The following UPP1 variants were observed in gnomAD, a reference collection of about 807,000 sequenced individuals.
The protein encoded by UPP1 is uridine phosphorylase 1.
In UPP1, 25 loss-of-function variants were observed where a neutral mutation model predicts 29.6. The ratio of observed to expected loss-of-function variants is 0.85; its 90% CI spans 0.62 to 1.18. The LOEUF (loss-of-function observed/expected upper bound fraction) is 1.18, where lower values mean the gene tolerates loss of function less well. UPP1 is among the 50% of genes most tolerant of loss of function. UPP1 has a pLI of 0.00. For synonymous variants in UPP1, 165 were observed against 159.8 expected, an observed-to-expected ratio of 1.03 and a Z score of -0.25; for missense variants, 368 against 410.4, an observed-to-expected ratio of 0.90 and a Z score of 0.89.
chr7:48,095,929 G>A (rs1319697208), intron 3 of UPP1, among the ~76,000 whole-genome samples: 2 of 152,168 alleles, frequency 1.3e-5, no homozygotes, highest in Admixed American at 6.5e-5. Flanking sequence ...TTACGGGCGT[G>A]AGCCACTGTG....
chr7:48,101,552 A>G (rs1041041510), intron 4 of UPP1, among the ~76,000 whole-genome samples: 5 of 152,032 alleles, frequency 3.3e-5, no homozygotes, highest in Non-Finnish European at 7.4e-5. Context: ...AGGACCTGGA[A>G]TTACCTCCTC....
In UPP1 at chr7:48,103,507, G is replaced by A. The variant is rs371296916; in HGVS notation, c.436+96G>A. The A allele has an allele frequency of 1.6e-4, 187 of 1,136,632 alleles. No individual in the cohort carries two copies. The East Asian group carries it at 3.6e-3, about 22-fold the overall frequency. The allele number at this position is 1,136,632 out of a possible 1,614,324, so 70.4% of individuals were successfully genotyped here. A position where few individuals can be genotyped will look rare whatever the true frequency, so the allele number is the denominator to read the frequency against. On this transcript the variant is annotated intron_variant, in intron 6 of 8. Transcript: ENST00000395564. Reference sequence around the variant, plus strand: ...CATGGTGTGGCATTAGAGACAAAGAGTTCCTTTCTTGGCTTTGTTCAAGGG... The same window carrying A: ...CATGGTGTGGCATTAGAGACAAAGAATTCCTTTCTTGGCTTTGTTCAAGGG...
chr7:48,106,107 A>C (rs946659725), intron 6 of UPP1: 1 of 152,336 alleles, frequency 6.6e-6, no homozygotes, highest in African/African-American at 2.4e-5. Context: ...GTGGGACTTC[A>C]TTATACTGTT....
At chr7:48,101,328 G>A (rs1158229270) in intron 4 of UPP1, among the ~76,000 whole-genome samples, 1 of 152,082 alleles carries the variant, frequency 6.6e-6, no homozygotes, top group Non-Finnish European at 1.5e-5. Context: ...ATCCAGAATA[G>A]CTATCACTTC....
At position 48,108,382 on chromosome 7, in the gene UPP1, C is replaced by G. The variant is rs777664373; in HGVS notation, c.*25C>G. On this transcript the variant is annotated 3_prime_UTR_variant, in exon 9 of 9. Transcript: ENST00000395564. The stretch of plus-strand genomic sequence containing the variant: ...AGCGCTGCCCTGCACCTCCGCAGAC[C>G]TGCTGTGATGACTTGCCATTAAAAG... 1.3e-6 allele frequency: 2 copies of G among 1,596,526 alleles called. No individual in the cohort carries two copies. Among genetic ancestry groups the G allele is most frequent in the Non-Finnish European group, 8.6e-7 (1 of 1,166,534 alleles).
At chr7:48,095,935 C>T (rs941554086) in intron 3 of UPP1, among the ~76,000 whole-genome samples, 2 of 152,230 alleles carry the variant, frequency 1.3e-5, no homozygotes, top group African/African-American at 4.8e-5. Flanking sequence ...GCGTGAGCCA[C>T]TGTGGCCTGC....
Position 48,106,930 on chromosome 7 carries a change from C to T in UPP1, c.494C>T (p.Ala165Val). 1 of 1,613,650 alleles carries T rather than the reference C, an allele frequency of 6.2e-7. No homozygotes were observed. Among genetic ancestry groups the T allele is most frequent in the South Asian group, 1.1e-5 (1 of 91,058 alleles). The change falls in exon 7 of 9, where the codon GCA (alanine) becomes GTA (valine). Residue 165 changes from alanine to valine, a missense_variant. By Grantham distance (64) the Ala-to-Val change is moderately conservative. Coordinates refer to ENST00000395564, the MANE Select transcript of UPP1 (RefSeq NM_003364.4). ...TEQAVDTCFK[A>V]EFEQIVLGKR... ...CAGGCAGTGGATACCTGCTTCAAGGCAGAGTTTGAGCAGATTGTCCTGGGG... is the reference window on the plus strand; with the variant it reads ...CAGGCAGTGGATACCTGCTTCAAGGTAGAGTTTGAGCAGATTGTCCTGGGG...
intron 6 of UPP1, chr7:48,104,744 A>G (rs1312694766): frequency 6.6e-6 from 1 of 152,234 alleles, no homozygotes; most frequent in Non-Finnish European, 1.5e-5. Flanking sequence ...ACCAACGGCC[A>G]TGAGCTGTCT....
intron 4 of UPP1, 76 bp downstream of exon 4, chr7:48,099,863 C>A: frequency 2.1e-6 from 2 of 958,736 alleles, no homozygotes; most frequent in Non-Finnish European, 3.3e-6. Flanking sequence ...GTAGACCAAC[C>A]CACAAATGCT....
chr7:48,096,067 G>T (rs1233709249), intron 3 of UPP1, among the ~76,000 whole-genome samples: 1 of 152,220 alleles, frequency 6.6e-6, no homozygotes, highest in Non-Finnish European at 1.5e-5. Context: ...CATGGCTTGA[G>T]GTTGAGGCCT....
chr7:48,106,467 T>C, intron 6 of UPP1: 1 of 199,590 alleles, frequency 5.0e-6, no homozygotes, highest in South Asian at 8.9e-5. Flanking sequence ...CCCGGCACAA[T>C]GCCTGGCTAA....
rs147875049 is a variant in UPP1, at chr7:48,102,056, A to G, written c.321+74A>G. 2.2e-3 allele frequency: 3,314 copies of G among 1,514,246 alleles called. 60 individuals carry two copies. The African/African-American group carries it at 0.04, about 18-fold the overall frequency. The allele number at this position is 1,514,246 out of a possible 1,614,324, so 93.8% of individuals were successfully genotyped here. On this transcript the variant is annotated intron_variant, in intron 5 of 8. Transcript: ENST00000395564. ...CTGTGCCCCACCCCTCTGCACACAC[A>G]GACAGCTGGTCCCCTAACACCTGCT...
chr7:48,099,837 C>T (rs1292407128), intron 4 of UPP1, 50 bp downstream of exon 4: 2 of 1,244,230 alleles, frequency 1.6e-6, no homozygotes, highest in Admixed American at 1.7e-5. Flanking sequence ...GATCAACCTC[C>T]CCCTATATTA....
chr7:48,094,378 G>T (rs1792014487), intron 2 of UPP1, among the ~76,000 whole-genome samples: 1 of 152,112 alleles, frequency 6.6e-6, no homozygotes, highest in South Asian at 2.1e-4. Context: ...ACCACACCTG[G>T]CTAATTTTTG....
intron 2 of UPP1, among the ~76,000 whole-genome samples, chr7:48,093,265 T>C (rs1246017517): frequency 6.6e-6 from 1 of 152,222 alleles, no homozygotes; most frequent in Non-Finnish European, 1.5e-5. Context: ...CACTATATTA[T>C]GGTAATAATA....
chr7:48,107,328 C>T (rs768183581), intron 7 of UPP1, 33 bp from the exon 8 acceptor site: 3 of 1,588,354 alleles, frequency 1.9e-6, no homozygotes, highest in Non-Finnish European at 2.6e-6. Context: ...TTCTCACATG[C>T]ATGTGGTTCT....
Position 48,101,994 on chromosome 7 carries a change from C to G in UPP1, c.321+12C>G. 1 of 1,611,470 alleles carries G rather than the reference C, an allele frequency of 6.2e-7. No homozygotes were observed. The highest frequency in any genetic ancestry group is 8.5e-7 in the Non-Finnish European group (1 of 1,178,504). ...TGCTGTCTGTCAGTGTGAGTACCTG[C>G]CTTCCCTTGTGCTCAGTCTCTAGGC... On this transcript the variant is annotated intron_variant, in intron 5 of 8. Transcript: ENST00000395564.
At chr7:48,100,440 A>G (rs1562654073) in intron 4 of UPP1, among the ~76,000 whole-genome samples, 1 of 152,240 alleles carries the variant, frequency 6.6e-6, no homozygotes, top group African/African-American at 2.4e-5. Flanking sequence ...TAGGGAAGCA[A>G]AGGATAGTAA....
intron 5 of UPP1, among the ~76,000 whole-genome samples, chr7:48,102,355 A>G (rs1792473676): frequency 1.3e-5 from 2 of 152,192 alleles, no homozygotes; most frequent in African/African-American, 4.8e-5. Flanking sequence ...ACCACCTCAC[A>G]GTGAGTTACT....
Sources: gnomAD v4.1 joint callset for allele counts (sites outside exome capture counted in the v4.1 genomes callset) on GRCh38, gnomAD v4.1.1 for gene constraint, MANE v1.5 for transcripts, NCBI Gene and HGNC (gene_info 2026-07-23, HGNC 2026-07-21) for gene names.